The following TBC1D22A variants were observed in gnomAD, a reference collection of about 807,000 sequenced individuals.
The protein encoded by TBC1D22A is putative GTPase activator.
Under a neutral mutation model 60.2 loss-of-function variants are expected in TBC1D22A, and 38 were observed. The ratio of observed to expected loss-of-function variants is 0.63; its 90% CI spans 0.49 to 0.83. The LOEUF (loss-of-function observed/expected upper bound fraction) is 0.83, where lower values mean the gene tolerates loss of function less well. Among genes scored for constraint, TBC1D22A ranks in the 40% least tolerant of loss-of-function variants. The pLI is 0.00. For synonymous variants in TBC1D22A, 302 were observed against 281.7 expected (o/e 1.07, Z -0.72); for missense variants, 628 against 701.0 (o/e 0.90, Z 1.18).
intron 4 of TBC1D22A, among the ~76,000 whole-genome samples, chr22:46,874,169 T>C (rs1032730110): frequency 3.3e-5 from 5 of 152,220 alleles, no homozygotes; most frequent in Non-Finnish European, 7.3e-5. Flanking sequence ...CACATTTTCT[T>C]TATGGAGTCT....
At chr22:46,858,767 T>C (rs2087707734) in intron 4 of TBC1D22A, among the ~76,000 whole-genome samples, 2 of 152,216 alleles carry the variant, frequency 1.3e-5, no homozygotes, top group Non-Finnish European at 2.9e-5. Context: ...CACCCACCGC[T>C]GAGTAGGGTA....
At position 46,935,572 on chromosome 22, in the gene TBC1D22A, T is replaced by C. The variant is rs1602549051; in HGVS notation, c.1015+23384T>C. Reference sequence around the variant, plus strand: ...TTCAAAGCTCGAAGTTTGGGTGACATTTCTCCCTGTGATTCCGTCTCGCCC... The same window carrying C: ...TTCAAAGCTCGAAGTTTGGGTGACACTTCTCCCTGTGATTCCGTCTCGCCC... On this transcript the variant is annotated intron_variant, in intron 8 of 12. Coordinates refer to ENST00000337137, the MANE Select transcript of TBC1D22A (RefSeq NM_014346.5). Among the ~76,000 whole-genome samples, 8 of 152,312 alleles carry C rather than the reference T, an allele frequency of 5.3e-5. 2 individuals are homozygous for C. The highest frequency in any genetic ancestry group is 5.2e-4 in the Admixed American group (8 of 15,290).
At chr22:46,911,871 A>G (rs1031107701) in intron 7 of TBC1D22A, among the ~76,000 whole-genome samples, 4 of 151,666 alleles carry the variant, frequency 2.6e-5, no homozygotes, top group African/African-American at 9.7e-5. Context: ...GTGAGCTGAG[A>G]TGGCACCACT....
intron 12 of TBC1D22A, among the ~76,000 whole-genome samples, chr22:47,138,214 T>C (rs1170383555): frequency 6.6e-6 from 1 of 152,198 alleles, no homozygotes; most frequent in African/African-American, 2.4e-5. Flanking sequence ...AGCTACTGTT[T>C]ATAAAAGCGA....
rs6009028 is a variant in TBC1D22A, at chr22:46,893,959, A to G, written c.838-825A>G. Among the ~76,000 whole-genome samples the G allele has an allele frequency of 8.7e-3, 1,318 of 152,348 alleles. 26 individuals carry two copies. Among genetic ancestry groups the G allele is most frequent in the African/African-American group, 0.03 (1,250 of 41,588 alleles). ...GAAACTGAGGCCTGGCCACAGTGTG[A>G]TAAGTGGCAGAGTGATGATGTCCCA... On this transcript the variant is annotated intron_variant, in intron 6 of 12. Coordinates refer to ENST00000337137, the MANE Select transcript of TBC1D22A (RefSeq NM_014346.5).
At chr22:46,912,697 C>T (rs561878505) in intron 8 of TBC1D22A, among the ~76,000 whole-genome samples, 54 of 152,314 alleles carry the variant, frequency 3.5e-4, no homozygotes, top group African/African-American at 1.2e-3. Context: ...CTTGGGACTA[C>T]GGGCATGCGC....
At chr22:46,770,690 G>T (rs555177237) in intron 1 of TBC1D22A, among the ~76,000 whole-genome samples, 4 of 152,342 alleles carry the variant, frequency 2.6e-5, no homozygotes, top group Admixed American at 2.0e-4. Context: ...TCCTGCTCAG[G>T]CCTAGGAACC....
Position 47,006,384 on chromosome 22 carries a change from A to C in TBC1D22A, c.1201+8675A>C, listed in dbSNP as rs894869968. Among the ~76,000 whole-genome samples the C allele has an allele frequency of 2.0e-5, 3 of 152,306 alleles. 1 individual carries two copies. ...ATTTCTGGCCCATTTCTGCCATCTTATTATTCTCTGAAAGGCTGGCTTAGG... is the reference window on the plus strand; with the variant it reads ...ATTTCTGGCCCATTTCTGCCATCTTCTTATTCTCTGAAAGGCTGGCTTAGG... On this transcript the variant is annotated intron_variant, in intron 10 of 12. Transcript: ENST00000337137.
At chr22:47,025,641 G>A (rs74558737) in intron 10 of TBC1D22A, among the ~76,000 whole-genome samples, 2,722 of 152,324 alleles carry the variant, frequency 0.018, 65 homozygotes, top group African/African-American at 0.054. Context: ...GAAACCTATA[G>A]CACTAAGCAG....
rs188189260 is a variant in TBC1D22A, at chr22:47,033,521, C to T, written c.1202-3550C>T. 1.6e-4 allele frequency among the ~76,000 whole-genome samples: 25 copies of T among 152,212 alleles called. No individual in the cohort carries two copies. The East Asian group carries it at 3.3e-3, about 20-fold the overall frequency. On this transcript the variant is annotated intron_variant, in intron 10 of 12. Coordinates refer to ENST00000337137, the MANE Select transcript of TBC1D22A (RefSeq NM_014346.5). The stretch of plus-strand genomic sequence containing the variant: ...GTACTGGGGGCCGGGGAAACAAAGG[C>T]GACACAGACCTGGACCCACACCTGA...
chr22:46,793,391 A>C, intron 2 of TBC1D22A, 110 bp from the exon 3 acceptor site: 1 of 1,059,800 alleles, frequency 9.4e-7, no homozygotes. Flanking sequence ...CTATTGCTAG[A>C]TCAAAGCTGA....
chr22:47,045,203 T>C (rs566118796), intron 11 of TBC1D22A, among the ~76,000 whole-genome samples: 64 of 152,372 alleles, frequency 4.2e-4, no homozygotes, highest in African/African-American at 1.5e-3. Flanking sequence ...TGGTGAGGAT[T>C]GTGAACTGTG....
At chr22:46,865,219 C>G (rs192526120) in intron 4 of TBC1D22A, among the ~76,000 whole-genome samples, 1 of 152,176 alleles carries the variant, frequency 6.6e-6, no homozygotes, top group African/African-American at 2.4e-5. Context: ...CACCACCCCC[C>G]GCTGCATCTC....
At chr22:46,955,101 G>C (rs1170396769) in intron 8 of TBC1D22A, among the ~76,000 whole-genome samples, 1 of 152,156 alleles carries the variant, frequency 6.6e-6, no homozygotes, top group East Asian at 1.9e-4. Context: ...TTAAGGACAG[G>C]CCATTGCTAT....
intron 12 of TBC1D22A, among the ~76,000 whole-genome samples, chr22:47,160,036 CCACA>C (rs1320624329): frequency 6.6e-6 from 1 of 152,064 alleles, no homozygotes; most frequent in African/African-American, 2.4e-5. Flanking sequence ...GCATCACACA[CCACA>C]CACACAGGAC....
intron 8 of TBC1D22A, among the ~76,000 whole-genome samples, chr22:46,956,972 C>A (rs1016725249): frequency 1.3e-5 from 2 of 152,226 alleles, no homozygotes; most frequent in Admixed American, 1.3e-4. Flanking sequence ...ACAAGGAACC[C>A]AGGGAAAGGC....
At chr22:47,156,169 T>C (rs1424190501) in intron 12 of TBC1D22A, among the ~76,000 whole-genome samples, 2 of 152,148 alleles carry the variant, frequency 1.3e-5, no homozygotes, top group Non-Finnish European at 2.9e-5. Flanking sequence ...CCATACCCCA[T>C]GGTTTCACAG....
chr22:46,959,662 A>G (rs2073391998), intron 8 of TBC1D22A, among the ~76,000 whole-genome samples: 1 of 151,966 alleles, frequency 6.6e-6, no homozygotes, highest in African/African-American at 2.4e-5. Context: ...CAGGATTGCC[A>G]TGGACCTCTG....
chr22:46,764,503 G>A (rs139491590), intron 1 of TBC1D22A, among the ~76,000 whole-genome samples: 312 of 152,332 alleles, frequency 2.0e-3, no homozygotes, highest in Non-Finnish European at 3.6e-3. Flanking sequence ...TGGAGTTACA[G>A]CAGTGACTCA....
Sources: gnomAD v4.1 joint callset for allele counts (sites outside exome capture counted in the v4.1 genomes callset) on GRCh38, gnomAD v4.1.1 for gene constraint, MANE v1.5 for transcripts, NCBI Gene and HGNC (gene_info 2026-07-23, HGNC 2026-07-21) for gene names.